The following LRBA variants were observed in gnomAD, a reference collection of about 807,000 sequenced individuals.
The protein encoded by LRBA is LPS responsive beige-like anchor protein, also known as lipopolysaccharide-responsive and beige-like anchor protein.
A neutral mutation model predicts 330.0 loss-of-function variants in LRBA; 176 were observed. The ratio of observed to expected loss-of-function variants is 0.53; its 90% CI spans 0.47 to 0.60. LRBA has a LOEUF of 0.60. Among genes scored for constraint, LRBA ranks in the 20% least tolerant of loss-of-function variants. The probability of loss-of-function intolerance (pLI) is 0.00; values close to 1 mark genes in which losing one functional copy is unlikely to be tolerated. For missense variants in LRBA, 3,259 were observed against 3,444.8 expected, an observed-to-expected ratio of 0.95 and a Z score of 1.35; for synonymous variants, 1,230 against 1,193.0, an observed-to-expected ratio of 1.03 and a Z score of -0.64.
At chr4:150,313,447 G>A (rs527963670) in intron 51 of LRBA, among the ~76,000 whole-genome samples, 2 of 152,208 alleles carry the variant, frequency 1.3e-5, no homozygotes, top group African/African-American at 4.8e-5. Context: ...ACTTTTAGAT[G>A]TCAACTTAAA....
At position 150,487,812 on chromosome 4, in the gene LRBA, T is replaced by C; in HGVS notation, c.6471A>G (p.Pro2157=). ...CCACTTTCTTTACTGTTGCAGGGTC[T>C]GGGAAGTTGAACATCACAGCAACTA... ...ANRVAVMFNF[P]DPATVKKVVN... is the part of the protein sequence containing the mutation. Residue 2157 remains proline (P), a synonymous_variant, in exon 42 of 57, where the codon CCA becomes CCG. Transcript: ENST00000651943. 1.3e-6 allele frequency: 2 copies of C among 1,590,766 alleles called. No individual in the cohort carries two copies. The highest frequency in any genetic ancestry group is 1.7e-6 in the Non-Finnish European group (2 of 1,163,688).
At position 150,489,262 on chromosome 4, in the gene LRBA, A is replaced by ACG. The variant is rs1561250331; in HGVS notation, c.6449-1429_6449-1428insCG. Among the ~76,000 whole-genome samples the ACG allele has an allele frequency of 2.9e-3, 167 of 58,252 alleles. 4 individuals are homozygous for ACG. Among genetic ancestry groups the ACG allele is most frequent in the East Asian group, 6.7e-3 (11 of 1,644 alleles). The allele number at this position is 58,252 out of a possible 152,430, so 38.2% of individuals were successfully genotyped here. On this transcript the variant is annotated intron_variant, in intron 41 of 56. Transcript: ENST00000651943. ...TACGAATATATAATATATTATATAT[A>ACG]AGAATATATAATATATTATATATAA...
chr4:150,834,712 G>C (rs1747748769), intron 28 of LRBA, among the ~76,000 whole-genome samples: 1 of 152,172 alleles, frequency 6.6e-6, no homozygotes. Flanking sequence ...AAAGTCACCA[G>C]CTGTATTAGT....
rs112493640 is a variant in LRBA at position 150,352,618 on chromosome 4, A to C, written c.7195-2459T>G. Among the ~76,000 whole-genome samples, 1,476 of 152,314 alleles carry C rather than the reference A, an allele frequency of 9.7e-3. 20 individuals are homozygous for C. Among genetic ancestry groups the C allele is most frequent in the African/African-American group, 0.034 (1,404 of 41,552 alleles). On this transcript the variant is annotated intron_variant, in intron 47 of 56. Transcript: ENST00000651943. ...TTCATATTTTACTTGAAATAAGAAG[A>C]GAGGAGCTTGTGATAACTTTAAGTA... is the stretch of plus-strand genomic sequence containing the variant.
intron 40 of LRBA, among the ~76,000 whole-genome samples, chr4:150,547,711 TAG>T (rs1182569523): frequency 6.6e-6 from 1 of 152,142 alleles, no homozygotes; most frequent in Non-Finnish European, 1.5e-5. Context: ...ACTGTAGTTT[TAG>T]AGACTTAAAG....
intron 56 of LRBA, among the ~76,000 whole-genome samples, chr4:150,269,463 C>T (rs966823241): frequency 3.3e-5 from 5 of 152,120 alleles, no homozygotes; most frequent in African/African-American, 1.2e-4. Context: ...TCTTACCTAC[C>T]ATTATATTAA....
intron 26 of LRBA, among the ~76,000 whole-genome samples, chr4:150,845,283 TATTA>T (rs1749684879): frequency 6.6e-6 from 1 of 152,314 alleles, no homozygotes; most frequent in East Asian, 1.9e-4. Context: ...TACAGCATGA[TATTA>T]ATTGAGACTA....
Position 150,590,849 on chromosome 4 carries a change from T to C in LRBA, c.6057A>G (p.Glu2019=), listed in dbSNP as rs781782253. 6.2e-7 allele frequency: 1 copy of C among 1,613,800 alleles called. No individual in the cohort carries two copies. Among genetic ancestry groups the C allele is most frequent in the East Asian group, 2.2e-5 (1 of 44,878 alleles). The change falls in exon 39 of 57, where the codon GAA becomes GAG. Residue 2019 remains glutamate (E), a synonymous_variant. Transcript: ENST00000651943. ...LKTAVEHATD[E]DILAKGKQSI... Reference sequence around the variant, plus strand: ...ACTGTTTTCCTTTAGCAAGGATATCTTCATCTGTGGCTGAAATGAAAAGGA... The same window carrying C: ...ACTGTTTTCCTTTAGCAAGGATATCCTCATCTGTGGCTGAAATGAAAAGGA...
chr4:150,655,892 T>C (rs1280790548), intron 37 of LRBA, among the ~76,000 whole-genome samples: 1 of 152,196 alleles, frequency 6.6e-6, no homozygotes, highest in East Asian at 1.9e-4. Flanking sequence ...AAAGGTTCTA[T>C]ATTACTGTAT....
At chr4:150,570,153 T>C (rs545812443) in intron 40 of LRBA, among the ~76,000 whole-genome samples, 1 of 152,210 alleles carries the variant, frequency 6.6e-6, no homozygotes, top group South Asian at 2.1e-4. Flanking sequence ...ATACACTTAC[T>C]TCAGAAAAGA....
chr4:151,005,701 T>C (rs747383030), intron 2 of LRBA, among the ~76,000 whole-genome samples: 1 of 148,208 alleles, frequency 6.7e-6, no homozygotes, highest in Non-Finnish European at 1.5e-5. Flanking sequence ...ACCTCCCAGG[T>C]TCAAGCAATT....
rs373782725 is a variant in LRBA at position 150,323,025 on chromosome 4, G to GTGTGTT, written c.7453-1658_7453-1657insAACACA. Among the ~76,000 whole-genome samples the GTGTGTT allele has an allele frequency of 5.7e-3, 811 of 142,638 alleles. 13 individuals are homozygous for GTGTGTT. Among genetic ancestry groups the GTGTGTT allele is most frequent in the African/African-American group, 0.02 (725 of 36,798 alleles). The allele number at this position is 142,638 out of a possible 152,430, so 93.6% of individuals were successfully genotyped here. A position where few individuals can be genotyped will look rare whatever the true frequency, so the allele number is the denominator to read the frequency against. Reference sequence around the variant, plus strand: ...TGTGTGTGTGTGTGTGTGTGTGTGTGGGGATGCATTGATGGTTGATGGGGG... The same window carrying GTGTGTT: ...TGTGTGTGTGTGTGTGTGTGTGTGTGTGTGTTGGGATGCATTGATGGTTGATGGGGG... On this transcript the variant is annotated intron_variant, in intron 49 of 56. Transcript: ENST00000651943.
At chr4:150,607,652 A>G (rs1774794172) in intron 37 of LRBA, among the ~76,000 whole-genome samples, 1 of 152,068 alleles carries the variant, frequency 6.6e-6, no homozygotes, top group Non-Finnish European at 1.5e-5. Flanking sequence ...CTGTAATCCT[A>G]GCACTTTGGG....
At chr4:150,942,096 A>C (rs1735731901) in intron 2 of LRBA, among the ~76,000 whole-genome samples, 1 of 152,186 alleles carries the variant, frequency 6.6e-6, no homozygotes, top group Non-Finnish European at 1.5e-5. Context: ...CACCCAAAGA[A>C]CTTCACACAA....
chr4:150,906,476 TAACCCTTC>T (rs1292265038), intron 11 of LRBA, 71 bp from the exon 12 acceptor site: 4 of 812,226 alleles, frequency 4.9e-6, no homozygotes. Flanking sequence ...TAGATAGATG[TAACCCTTC>T]CATTCACCTT....
At chr4:150,858,263 G>A (rs1442197409) in intron 22 of LRBA, among the ~76,000 whole-genome samples, 2 of 152,152 alleles carry the variant, frequency 1.3e-5, no homozygotes, top group African/African-American at 2.4e-5. Context: ...AGGCTGAAGG[G>A]AGAGGATCAC....
intron 22 of LRBA, among the ~76,000 whole-genome samples, chr4:150,865,544 G>C (rs541386775): frequency 2.0e-5 from 3 of 152,036 alleles, no homozygotes; most frequent in African/African-American, 7.2e-5. Context: ...TATAAAATCA[G>C]ATCTCTTTTC....
chr4:150,471,275 A>ATT (rs1756098251), intron 43 of LRBA, among the ~76,000 whole-genome samples: 1 of 152,126 alleles, frequency 6.6e-6, no homozygotes, highest in Non-Finnish European at 1.5e-5. Context: ...TGCTAGTCAA[A>ATT]TAGTATCCAT....
chr4:150,449,822 C>T (rs919459206), intron 44 of LRBA, among the ~76,000 whole-genome samples: 10 of 152,048 alleles, frequency 6.6e-5, no homozygotes, highest in Non-Finnish European at 8.8e-5. Context: ...ATACTGTTCT[C>T]CTATCTCAGA....
Sources: gnomAD v4.1 joint callset for allele counts (sites outside exome capture counted in the v4.1 genomes callset) on GRCh38, gnomAD v4.1.1 for gene constraint, MANE v1.5 for transcripts, NCBI Gene and HGNC (gene_info 2026-07-23, HGNC 2026-07-21) for gene names.